The following DSCAML1 variants were observed in gnomAD, a reference collection of about 807,000 sequenced individuals.
The protein encoded by DSCAML1 is DS cell adhesion molecule like 1.
In DSCAML1, 38 loss-of-function variants were observed where a neutral mutation model predicts 200.5. The ratio of observed to expected loss-of-function variants is 0.19; its 90% CI spans 0.15 to 0.25. DSCAML1 has a LOEUF of 0.25. DSCAML1 is among the 10% of genes least tolerant of loss of function. The pLI is 1.00. For missense variants in DSCAML1, 2,223 were observed against 2,858.8 expected, an observed-to-expected ratio of 0.78 and a Z score of 5.07; for synonymous variants, 1,215 against 1,165.0, an observed-to-expected ratio of 1.04 and a Z score of -0.87.
At chr11:117,620,437 G>T (rs563025969) in intron 3 of DSCAML1, among the ~76,000 whole-genome samples, 5 of 152,066 alleles carry the variant, frequency 3.3e-5, no homozygotes, top group Admixed American at 1.3e-4. Flanking sequence ...GTTTTATAAG[G>T]CCATTCTGAC....
At chr11:117,539,555 C>T (rs1486336083) in intron 3 of DSCAML1, among the ~76,000 whole-genome samples, 1 of 136,016 alleles carries the variant, frequency 7.4e-6, no homozygotes, top group African/African-American at 2.8e-5. Flanking sequence ...TTGCAGAGAG[C>T]TGAGATCACG....
At chr11:117,623,239 A>G (rs1367380173) in intron 3 of DSCAML1, among the ~76,000 whole-genome samples, 1 of 119,336 alleles carries the variant, frequency 8.4e-6, no homozygotes, top group African/African-American at 3.2e-5. Flanking sequence ...TTTTTGAGAC[A>G]GAGTTTTGCT....
chr11:117,458,633 C>T (rs1035105522), intron 19 of DSCAML1, 121 bp downstream of exon 19: 4 of 1,307,974 alleles, frequency 3.1e-6, no homozygotes, highest in Non-Finnish European at 4.2e-6. Context: ...GGCTACTCTC[C>T]CACAGTTTGA....
intron 3 of DSCAML1, among the ~76,000 whole-genome samples, chr11:117,568,734 TGGAA>T (rs2050797820): frequency 6.6e-6 from 1 of 152,102 alleles, no homozygotes; most frequent in South Asian, 2.1e-4. Context: ...TACAAACAAA[TGGAA>T]GAACATTCCA....
At chr11:117,586,651 T>G (rs2051149463) in intron 3 of DSCAML1, among the ~76,000 whole-genome samples, 10 of 152,112 alleles carry the variant, frequency 6.6e-5, no homozygotes. Context: ...AGTGAGGGGC[T>G]GGGGAAGTTC....
chr11:117,675,410 G>A (rs549370309), intron 3 of DSCAML1, among the ~76,000 whole-genome samples: 303 of 150,074 alleles, frequency 2.0e-3, no homozygotes, highest in Non-Finnish European at 3.3e-3. Context: ...CGATCTTCCC[G>A]CCTCAGCTTC....
At chr11:117,720,251 A>T (rs1019645332) in intron 3 of DSCAML1, among the ~76,000 whole-genome samples, 1 of 152,208 alleles carries the variant, frequency 6.6e-6, no homozygotes, top group African/African-American at 2.4e-5. Flanking sequence ...TATTGGTGCA[A>T]GGCAAGTCAG....
intron 3 of DSCAML1, among the ~76,000 whole-genome samples, chr11:117,638,310 T>C (rs1476390080): frequency 7.8e-6 from 1 of 127,780 alleles, no homozygotes; most frequent in East Asian, 2.3e-4. Flanking sequence ...CCACACAAGA[T>C]AGCAAGTGTG....
intron 11 of DSCAML1, among the ~76,000 whole-genome samples, chr11:117,482,406 G>A (rs1405068107): frequency 6.6e-6 from 1 of 152,166 alleles, no homozygotes; most frequent in Non-Finnish European, 1.5e-5. Flanking sequence ...TGCTCAGAAT[G>A]CTTTTACAGG....
At chr11:117,764,909 C>T (rs916520830) in intron 3 of DSCAML1, among the ~76,000 whole-genome samples, 4 of 152,204 alleles carry the variant, frequency 2.6e-5, no homozygotes, top group Non-Finnish European at 5.9e-5. Flanking sequence ...TAGAATGAAG[C>T]TCACTCCACA....
chr11:117,545,608 G>A (rs1242607434), intron 3 of DSCAML1, among the ~76,000 whole-genome samples: 1 of 152,170 alleles, frequency 6.6e-6, no homozygotes, highest in Non-Finnish European at 1.5e-5. Context: ...AAGGTCACCA[G>A]GCTTCAGGCT....
At chr11:117,529,650 C>G (rs1395132398) in intron 4 of DSCAML1, among the ~76,000 whole-genome samples, 4 of 152,002 alleles carry the variant, frequency 2.6e-5, no homozygotes, top group Non-Finnish European at 5.9e-5. Flanking sequence ...CATGAACTGA[C>G]CACCTCCAAT....
intron 3 of DSCAML1, among the ~76,000 whole-genome samples, chr11:117,607,314 C>T (rs1012232308): frequency 7.2e-5 from 11 of 152,276 alleles, no homozygotes; most frequent in Middle Eastern, 3.4e-3. Flanking sequence ...AGCAGCTCAC[C>T]GACCTAGAGT....
chr11:117,535,545 C>G (rs2050153100), intron 3 of DSCAML1, among the ~76,000 whole-genome samples: 1 of 152,224 alleles, frequency 6.6e-6, no homozygotes, highest in Admixed American at 6.5e-5. Flanking sequence ...AGCCCTGCAG[C>G]TGGCTGTCAG....
At chr11:117,577,435 T>A (rs1565801399) in intron 3 of DSCAML1, among the ~76,000 whole-genome samples, 1 of 54,794 alleles carries the variant, frequency 1.8e-5, no homozygotes, top group Admixed American at 1.7e-4. Flanking sequence ...CTTCCTTCCT[T>A]CTTTCCTTCC....
intron 3 of DSCAML1, among the ~76,000 whole-genome samples, chr11:117,773,529 G>GCACACACACACA (rs59492776): frequency 1.6e-4 from 23 of 144,586 alleles, no homozygotes; most frequent in East Asian, 8.3e-4. Context: ...ACCTCAAAAT[G>GCACACACACACA]CACACACACA....
intron 21 of DSCAML1, among the ~76,000 whole-genome samples, chr11:117,441,910 C>G (rs2048057889): frequency 6.6e-6 from 1 of 152,142 alleles, no homozygotes; most frequent in Non-Finnish European, 1.5e-5. Flanking sequence ...CTCCAGAGAT[C>G]AGGTTCCAGA....
intron 5 of DSCAML1, 85 bp from the exon 6 acceptor site, chr11:117,521,490 G>C: frequency 7.1e-7 from 1 of 1,414,178 alleles, no homozygotes; most frequent in Non-Finnish European, 9.6e-7. Context: ...GTGTAGCTGG[G>C]GGTAGTTAGG....
At chr11:117,589,166 C>A (rs960138922) in intron 3 of DSCAML1, among the ~76,000 whole-genome samples, 3 of 149,952 alleles carry the variant, frequency 2.0e-5, no homozygotes, top group Admixed American at 2.0e-4. Context: ...AAGAGGGGGC[C>A]TGTAAATAGA....
Sources: allele counts gnomAD v4.1 joint callset (sites outside exome capture counted in the v4.1 genomes callset), GRCh38; gene constraint gnomAD v4.1.1; transcripts MANE v1.5; gene names NCBI Gene and HGNC (gene_info 2026-07-23, HGNC 2026-07-21).